The following NEDD4L variants were observed in gnomAD, a reference collection of about 807,000 sequenced individuals.
NEDD4L encodes the protein E3 ubiquitin-protein ligase NEDD4-like.
Under a neutral mutation model 148.9 loss-of-function variants are expected in NEDD4L, and 54 were observed. The ratio of observed to expected loss-of-function variants is 0.36; its 90% confidence interval spans 0.29 to 0.45. The LOEUF is 0.45. NEDD4L is among the 20% of genes least tolerant of loss of function. NEDD4L has a pLI of 1.00. For synonymous variants in NEDD4L, 433 were observed against 440.7 expected, an observed-to-expected ratio of 0.98 and a Z score of 0.22; for missense variants, 856 against 1,233.8, an observed-to-expected ratio of 0.69 and a Z score of 4.59.
At chr18:58,263,044 A>G (rs1271286671) in intron 5 of NEDD4L, among the ~76,000 whole-genome samples, 1 of 152,220 alleles carries the variant, frequency 6.6e-6, no homozygotes, top group African/African-American at 2.4e-5. Context: ...GTGAAGGGAC[A>G]GGTCATGAAA....
chr18:58,186,803 T>G (rs1054171587), intron 2 of NEDD4L, among the ~76,000 whole-genome samples: 6 of 152,238 alleles, frequency 3.9e-5, no homozygotes, highest in African/African-American at 1.4e-4. Context: ...CCTGGTATGC[T>G]GAGGCCCTGC....
At chr18:58,096,549 A>G (rs1734239909) in intron 1 of NEDD4L, among the ~76,000 whole-genome samples, 1 of 152,050 alleles carries the variant, frequency 6.6e-6, no homozygotes, top group Admixed American at 6.6e-5. Flanking sequence ...GATTACAGGC[A>G]TGCACCACAA....
At chr18:58,194,284 C>T (rs1230108649) in intron 2 of NEDD4L, among the ~76,000 whole-genome samples, 3 of 152,190 alleles carry the variant, frequency 2.0e-5, no homozygotes, top group Non-Finnish European at 4.4e-5. Flanking sequence ...GATGCGGCCT[C>T]TTGGCCCAGG....
At chr18:58,057,014 A>G (rs532880172) in intron 1 of NEDD4L, among the ~76,000 whole-genome samples, 2 of 150,448 alleles carry the variant, frequency 1.3e-5, no homozygotes, top group African/African-American at 4.9e-5. Flanking sequence ...AGATCTGTTC[A>G]TCCTGCAACC....
intron 5 of NEDD4L, among the ~76,000 whole-genome samples, chr18:58,302,537 A>G (rs1283752377): frequency 6.6e-6 from 1 of 152,218 alleles, no homozygotes; most frequent in East Asian, 1.9e-4. Context: ...GGCTTTCTGA[A>G]AATAACTGTA....
rs2050722807 is a variant in NEDD4L, at chr18:58,399,610, C to T, written c.*3341C>T. On this transcript the variant is annotated 3_prime_UTR_variant, in exon 31 of 31. Coordinates refer to ENST00000400345, the MANE Select transcript of NEDD4L (RefSeq NM_001144967.3). ...CAAGCGATTCTTCTGCCTCAGCCTC[C>T]CCGAATAGTTGGGATTACAGGCACC... 6.6e-6 allele frequency: 1 copy of T among 152,292 alleles called. No homozygotes were observed. The highest frequency in any genetic ancestry group is 1.5e-5 in the Non-Finnish European group (1 of 68,140). The allele number at this position is 152,292 out of a possible 1,614,324, so 9.4% of individuals were successfully genotyped here.
At chr18:58,066,899 C>T (rs1245145013) in intron 1 of NEDD4L, among the ~76,000 whole-genome samples, 1 of 152,178 alleles carries the variant, frequency 6.6e-6, no homozygotes, top group Non-Finnish European at 1.5e-5. Flanking sequence ...CCCATCATCT[C>T]ATCTCCTTGT....
rs181545570 is a variant in NEDD4L at position 58,104,534 on chromosome 18, A to G, written c.48+59826A>G. Among the ~76,000 whole-genome samples the G allele has an allele frequency of 2.1e-3, 326 of 152,376 alleles. 2 individuals carry two copies. The highest frequency in any genetic ancestry group is 3.8e-3 in the Non-Finnish European group (261 of 68,042). On this transcript the variant is annotated intron_variant, in intron 1 of 30. Coordinates refer to ENST00000400345, the MANE Select transcript of NEDD4L (RefSeq NM_001144967.3). The stretch of plus-strand genomic sequence containing the variant: ...TAAAAACGTGACATTTCACCAAGTC[A>G]TAGAAAAGATGCTTCGCTTGTATAA...
intron 19 of NEDD4L, among the ~76,000 whole-genome samples, chr18:58,361,592 C>T (rs937689939): frequency 2.0e-5 from 3 of 152,128 alleles, no homozygotes; most frequent in Non-Finnish European, 4.4e-5. Context: ...AGGACCGGAG[C>T]CCCAGATGCG....
intron 2 of NEDD4L, 150 bp from the exon 3 acceptor site, chr18:58,245,277 T>A: frequency 6.3e-6 from 3 of 477,710 alleles, no homozygotes; most frequent in Non-Finnish European, 1.1e-5. Flanking sequence ...TGTATTGACT[T>A]AGTAGATATG....
At chr18:58,364,799 C>T (rs1195554875) in intron 20 of NEDD4L, among the ~76,000 whole-genome samples, 1 of 152,142 alleles carries the variant, frequency 6.6e-6, no homozygotes, top group Non-Finnish European at 1.5e-5. Context: ...GGCAGTATTA[C>T]GTCCAAATGT....
rs369053709 is a variant in NEDD4L, at chr18:58,373,284, C to T, written c.2352+15C>T. On this transcript the variant is annotated intron_variant, in intron 24 of 30. Transcript: ENST00000400345. ...ACTTTGGACAGGTACATGTGGGTAA[C>T]CCTGGGAACTCTTCTTTAGCTTTCA... The T allele has an allele frequency of 2.0e-6, 3 of 1,472,888 alleles. No individual in the cohort carries two copies. Among genetic ancestry groups the T allele is most frequent in the African/African-American group, 2.8e-5 (2 of 71,980 alleles). The allele number at this position is 1,472,888 out of a possible 1,614,324, so 91.2% of individuals were successfully genotyped here.
intron 2 of NEDD4L, among the ~76,000 whole-genome samples, chr18:58,200,290 A>G (rs17833707): frequency 0.25 from 38,176 of 152,148 alleles, 5,143 homozygotes; most frequent in East Asian, 0.47. Flanking sequence ...CAGAATTTAC[A>G]GGTTTAAAAA....
chr18:58,227,978 G>T (rs1324385899), intron 2 of NEDD4L: 2 of 300,030 alleles, frequency 6.7e-6, no homozygotes, highest in African/African-American at 4.6e-5. Flanking sequence ...TAATAGAGCT[G>T]GCTCTTGCCC....
At chr18:58,289,060 A>G (rs969673439) in intron 5 of NEDD4L, among the ~76,000 whole-genome samples, 1 of 152,228 alleles carries the variant, frequency 6.6e-6, no homozygotes, top group Non-Finnish European at 1.5e-5. Context: ...CAATCTGCAT[A>G]TTACTTTAAC....
chr18:58,160,300 T>C (rs75578680), intron 1 of NEDD4L, among the ~76,000 whole-genome samples: 1,716 of 152,372 alleles, frequency 0.011, 30 homozygotes, highest in African/African-American at 0.039. Flanking sequence ...GTTTGGACAC[T>C]ATTAGTGTGC....
At chr18:58,231,812 C>G (rs535813379) in intron 2 of NEDD4L, among the ~76,000 whole-genome samples, 1 of 152,196 alleles carries the variant, frequency 6.6e-6, no homozygotes, top group Non-Finnish European at 1.5e-5. Flanking sequence ...GATCCACTTG[C>G]CTTGGCCTCC....
intron 1 of NEDD4L, among the ~76,000 whole-genome samples, chr18:58,143,916 A>G (rs1245288610): frequency 6.6e-6 from 1 of 152,162 alleles, no homozygotes; most frequent in East Asian, 1.9e-4. Flanking sequence ...GTGGCCTGAT[A>G]TGAGGTATCC....
chr18:58,302,575 G>A (rs1322798830), intron 5 of NEDD4L, among the ~76,000 whole-genome samples: 1 of 152,136 alleles, frequency 6.6e-6, no homozygotes, highest in Non-Finnish European at 1.5e-5. Context: ...GCCTTGGCAG[G>A]GACCCACTAC....
Sources: gnomAD v4.1 joint callset for allele counts (sites outside exome capture counted in the v4.1 genomes callset) on GRCh38, gnomAD v4.1.1 for gene constraint, MANE v1.5 for transcripts, NCBI Gene and HGNC (gene_info 2026-07-23, HGNC 2026-07-21) for gene names.